DLGAP2: variants seen among roughly 807,000 people sequenced by gnomAD.
DLGAP2 encodes disks large-associated protein 2.
DLGAP2 carries 26 observed loss-of-function variants against 100.3 expected under a neutral mutation model. The ratio of observed to expected loss-of-function variants is 0.26; its 90% CI spans 0.19 to 0.36. The LOEUF is 0.36. Among genes scored for constraint, DLGAP2 ranks in the 10% least tolerant of loss-of-function variants. The pLI is 1.00. For missense variants in DLGAP2, 1,858 were observed against 1,453.2 expected (o/e 1.28, Z -4.53); for synonymous variants, 886 against 630.1 (o/e 1.41, Z -6.08).
intron 6 of DLGAP2, among the ~76,000 whole-genome samples, chr8:1,593,123 G>T (rs1023418508): frequency 1.3e-5 from 2 of 152,064 alleles, no homozygotes; most frequent in Non-Finnish European, 2.9e-5. Context: ...AAACACAGCC[G>T]TTCAACAATG....
chr8:881,545 G>C (rs1241744007), intron 1 of DLGAP2, among the ~76,000 whole-genome samples: 3 of 138,392 alleles, frequency 2.2e-5, no homozygotes, highest in African/African-American at 8.4e-5. Flanking sequence ...TGTTGCCCAG[G>C]CTGGAGTGCA....
chr8:951,490 A>G (rs184710439), intron 2 of DLGAP2, among the ~76,000 whole-genome samples: 35 of 152,256 alleles, frequency 2.3e-4, no homozygotes, highest in Admixed American at 8.5e-4. Flanking sequence ...ACCTCAGGTG[A>G]TCTGCCCGTC....
chr8:894,113 T>A (rs530576014), intron 1 of DLGAP2, among the ~76,000 whole-genome samples: 1 of 152,132 alleles, frequency 6.6e-6, no homozygotes, highest in South Asian at 2.1e-4. Context: ...GCAGTGTGCG[T>A]CTCCCTCTCC....
chr8:1,437,408 T>A (rs1420831112), intron 3 of DLGAP2, among the ~76,000 whole-genome samples: 3 of 152,208 alleles, frequency 2.0e-5, no homozygotes. Context: ...CTGTACTTAT[T>A]ACTTGTAATG....
intron 3 of DLGAP2, among the ~76,000 whole-genome samples, chr8:1,267,432 G>T (rs146212999): frequency 0.098 from 14,673 of 149,670 alleles, 1,063 homozygotes; most frequent in East Asian, 0.42. Context: ...CAGGTGTGGC[G>T]GCGGGCGCCT....
At chr8:1,062,135 A>G (rs1803102884) in intron 2 of DLGAP2, among the ~76,000 whole-genome samples, 1 of 151,772 alleles carries the variant, frequency 6.6e-6, no homozygotes, top group Non-Finnish European at 1.5e-5. Context: ...GTCCATCTCC[A>G]TGGCTAACTC....
intron 2 of DLGAP2, among the ~76,000 whole-genome samples, chr8:1,080,137 G>A (rs886184612): frequency 3.9e-5 from 6 of 152,234 alleles, no homozygotes; most frequent in Admixed American, 1.3e-4. Context: ...TCGCTGGGGG[G>A]TTGCAGTGGC....
chr8:1,212,292 G>C (rs925162543), intron 2 of DLGAP2, among the ~76,000 whole-genome samples: 1 of 152,196 alleles, frequency 6.6e-6, no homozygotes, highest in South Asian at 2.1e-4. Flanking sequence ...GCTGCTTTCA[G>C]TTCTAAGGGA....
intron 1 of DLGAP2, among the ~76,000 whole-genome samples, chr8:818,727 T>G (rs1457472293): frequency 6.6e-6 from 1 of 152,192 alleles, no homozygotes; most frequent in African/African-American, 2.4e-5. Flanking sequence ...GCAAGATTTA[T>G]AAAGAAAATA....
chr8:917,545 C>G (rs1228438219), intron 2 of DLGAP2, among the ~76,000 whole-genome samples: 1 of 151,858 alleles, frequency 6.6e-6, no homozygotes, highest in Non-Finnish European at 1.5e-5. Context: ...GACTGATTCT[C>G]TTTTGTTATT....
intron 2 of DLGAP2, among the ~76,000 whole-genome samples, chr8:1,116,569 G>T (rs1293932436): frequency 6.6e-6 from 1 of 152,166 alleles, no homozygotes; most frequent in Admixed American, 6.5e-5. Flanking sequence ...GCCAATGTGA[G>T]TGAATTGCCT....
At chr8:846,523 C>G (rs917361833) in intron 1 of DLGAP2, among the ~76,000 whole-genome samples, 54 of 152,196 alleles carry the variant, frequency 3.5e-4, no homozygotes, top group African/African-American at 1.2e-3. Flanking sequence ...TTTTCTTTAT[C>G]CATTCATCTT....
chr8:837,074 C>G (rs908483809), intron 1 of DLGAP2, among the ~76,000 whole-genome samples: 7 of 152,230 alleles, frequency 4.6e-5, no homozygotes, highest in African/African-American at 1.4e-4. Flanking sequence ...CGACCACGTC[C>G]CATCTCCTGG....
chr8:1,419,690 G>A (rs56305805), intron 3 of DLGAP2, among the ~76,000 whole-genome samples: 12,898 of 152,150 alleles, frequency 0.085, 1,055 homozygotes, highest in African/African-American at 0.21. Flanking sequence ...TTAGAATGGC[G>A]GTTACCAGAA....
At chr8:1,323,339 C>T (rs1433111018) in intron 3 of DLGAP2, among the ~76,000 whole-genome samples, 1 of 152,152 alleles carries the variant, frequency 6.6e-6, no homozygotes, top group Non-Finnish European at 1.5e-5. Context: ...CTGAAACTCA[C>T]AAGTTTTAAG....
intron 1 of DLGAP2, among the ~76,000 whole-genome samples, chr8:893,937 C>T (rs149494872): frequency 4.6e-5 from 7 of 152,300 alleles, no homozygotes; most frequent in South Asian, 2.1e-4. Flanking sequence ...GGAGGTTCGG[C>T]GTCTCCGAGT....
chr8:839,518 A>G (rs1168791592), intron 1 of DLGAP2, among the ~76,000 whole-genome samples: 2 of 152,194 alleles, frequency 1.3e-5, no homozygotes, highest in Non-Finnish European at 1.5e-5. Flanking sequence ...TGGAATCTAA[A>G]ACATTGAGCT....
Position 1,361,632 on chromosome 8 carries a change from C to T in DLGAP2, c.106+102749C>T, listed in dbSNP as rs955759525. Among the ~76,000 whole-genome samples, 10 of 152,224 alleles carry T rather than the reference C, an allele frequency of 6.6e-5. 1 individual carries two copies. The highest frequency in any genetic ancestry group is 1.9e-4 in the African/African-American group (8 of 41,448). ...AACTCACTGCATCGTTTAAACGGAGCATGGGAGCCCCCCTGGGTCTGACTA... is the reference window on the plus strand; with the variant it reads ...AACTCACTGCATCGTTTAAACGGAGTATGGGAGCCCCCCTGGGTCTGACTA... On this transcript the variant is annotated intron_variant, in intron 3 of 14. Transcript: ENST00000637795.
chr8:1,446,753 C>T (rs1057488163), intron 3 of DLGAP2, among the ~76,000 whole-genome samples: 2 of 152,094 alleles, frequency 1.3e-5, no homozygotes, highest in Non-Finnish European at 2.9e-5. Context: ...TTCTTTGTAT[C>T]CTCTTTTATT....
Sources: allele counts gnomAD v4.1 joint callset (sites outside exome capture counted in the v4.1 genomes callset), GRCh38; gene constraint gnomAD v4.1.1; transcripts MANE v1.5; gene names NCBI Gene and HGNC (gene_info 2026-07-23, HGNC 2026-07-21).